The following NPAS1 variants were observed in gnomAD, a reference collection of about 807,000 sequenced individuals.
NPAS1 encodes the protein neuronal PAS domain protein 1.
NPAS1 carries 29 observed loss-of-function variants against 49.2 expected under a neutral mutation model. That is an observed-to-expected ratio of 0.59 (90% CI 0.44 to 0.80). The LOEUF (loss-of-function observed/expected upper bound fraction) is 0.80, where lower values mean the gene tolerates loss of function less well. Ranked by LOEUF, NPAS1 falls within the 30% of genes least tolerant of loss-of-function variation. NPAS1 has a pLI of 0.00. For synonymous variants in NPAS1, 408 were observed against 380.4 expected (o/e 1.07, Z -0.84); for missense variants, 825 against 835.5 (o/e 0.99, Z 0.15).
At chr19:47,029,396 T>TTTA (rs36098515) in intron 3 of NPAS1, among the ~76,000 whole-genome samples, 94,358 of 147,360 alleles carry the variant, frequency 0.64, 30,454 homozygotes, top group Non-Finnish European at 0.68. Context: ...AGTATTTTTA[T>TTTA]TTATTATTAT....
chr19:47,031,978 TAGTGC>T (rs1338421390), intron 3 of NPAS1, among the ~76,000 whole-genome samples: 1 of 152,166 alleles, frequency 6.6e-6, no homozygotes, highest in Non-Finnish European at 1.5e-5. Context: ...CAGCAATGCC[TAGTGC>T]AGGACATAGG....
In NPAS1 at chr19:47,039,051, A is replaced by T. The variant is rs778475426; in HGVS notation, c.704A>T (p.Lys235Met). Residue 235 changes from lysine (K) to methionine (M), a missense_variant, in exon 7 of 12, where the codon AAG becomes ATG. Transcript: ENST00000602212. Reference protein sequence around the residue: ...DTPEIEASLTKVPPSSLVQER... With the variant: ...DTPEIEASLTMVPPSSLVQER... ...TCTGTCCCAGAGGCCAGCCTCACCA[A>T]GGTGCCCCCCTCCTCCCTGGTCCAG... 1 of 1,614,110 alleles carries T rather than the reference A, an allele frequency of 6.2e-7. No individual in the cohort carries two copies. Among genetic ancestry groups the T allele is most frequent in the Non-Finnish European group, 8.5e-7 (1 of 1,179,986 alleles).
chr19:47,031,559 C>T (rs1177754686), intron 3 of NPAS1, among the ~76,000 whole-genome samples: 6 of 133,032 alleles, frequency 4.5e-5, no homozygotes, highest in Admixed American at 4.1e-4. Context: ...GAGATGGAGT[C>T]TCGCACTGTC....
At chr19:47,033,632 A>G (rs543966110) in intron 5 of NPAS1, among the ~76,000 whole-genome samples, 7 of 152,132 alleles carry the variant, frequency 4.6e-5, no homozygotes, top group African/African-American at 1.7e-4. Context: ...GATGCACCAT[A>G]TTTGCCAACA....
intron 3 of NPAS1, among the ~76,000 whole-genome samples, chr19:47,022,609 AG>A (rs2056848920): frequency 2.7e-5 from 1 of 36,772 alleles, no homozygotes; most frequent in Non-Finnish European, 5.4e-5. Flanking sequence ...GGCATGGAGG[AG>A]GGGGCGGGGG....
At chr19:47,038,164 C>T (rs925151271) in intron 6 of NPAS1, among the ~76,000 whole-genome samples, 44 of 152,136 alleles carry the variant, frequency 2.9e-4, no homozygotes, top group Admixed American at 2.8e-3. Context: ...CCTCTCAAGG[C>T]CTCAGGAAGC....
At chr19:47,033,975 TAAAAAAAAAA>T (rs532811476) in intron 5 of NPAS1, among the ~76,000 whole-genome samples, 2 of 100,844 alleles carry the variant, frequency 2.0e-5, no homozygotes, top group African/African-American at 3.9e-5. Flanking sequence ...GGCTATGCCT[TAAAAAAAAAA>T]AAAAAAAAAA....
chr19:47,029,235 C>T (rs972874891), intron 3 of NPAS1, among the ~76,000 whole-genome samples: 1 of 151,644 alleles, frequency 6.6e-6, no homozygotes, highest in Non-Finnish European at 1.5e-5. Context: ...GTGCACACCA[C>T]CACGCCCGGC....
chr19:47,036,204 G>A, intron 6 of NPAS1, 75 bp downstream of exon 6: 1 of 1,432,216 alleles, frequency 7.0e-7, no homozygotes, highest in Non-Finnish European at 9.6e-7. Context: ...ATCCAGCCAT[G>A]CCGCGTTTAT....
intron 3 of NPAS1, among the ~76,000 whole-genome samples, chr19:47,026,899 G>C (rs1414501080): frequency 1.3e-5 from 2 of 151,696 alleles, no homozygotes; most frequent in Admixed American, 1.3e-4. Context: ...GTTGCGGTGA[G>C]CTGAGATCCT....
chr19:47,021,268 C>G lies in NPAS1; in HGVS notation c.122+99C>G, dbSNP rs2056839244. 1 of 1,078,138 alleles carries G rather than the reference C, an allele frequency of 9.3e-7. No individual in the cohort carries two copies. The highest frequency in any genetic ancestry group is 1.3e-6 in the Non-Finnish European group (1 of 772,778). The allele number at this position is 1,078,138 out of a possible 1,614,324, so 66.8% of individuals were successfully genotyped here. The stretch of plus-strand genomic sequence containing the variant: ...GCCAAGGGGCAGTTCACACCCAGCT[C>G]CCTGACCCGCCCCTTAGGGCTAGAA... On this transcript the variant is annotated intron_variant, in intron 2 of 11. Transcript: ENST00000602212. This position sits in a 1 kb window ranked among gnomAD's most constrained non-coding sequence, Gnocchi z 5.7.
chr19:47,044,234 T>C (rs1032373554), intron 11 of NPAS1, among the ~76,000 whole-genome samples: 12 of 152,050 alleles, frequency 7.9e-5, no homozygotes, highest in Admixed American at 7.2e-4. Context: ...CCACCATGCC[T>C]GGCTAATTTA....
At position 47,036,201 on chromosome 19, in the gene NPAS1, C is replaced by A. The variant is rs918516030; in HGVS notation, c.688+72C>A. The A allele has an allele frequency of 1.6e-5, 23 of 1,443,672 alleles. No homozygotes were observed. In the Admixed American group the frequency reaches 4.4e-4, roughly 27 times the overall value. 89.4% of individuals were successfully genotyped at this position (1,443,672 alleles called of 1,614,324 possible). On this transcript the variant is annotated intron_variant, in intron 6 of 11. Coordinates refer to ENST00000602212, the MANE Select transcript of NPAS1 (RefSeq NM_002517.4). Reference sequence around the variant, plus strand: ...GGACGCCCGCTGTACTGTATCCAGCCATGCCGCGTTTATACAAATAGCAGT... The same window carrying A: ...GGACGCCCGCTGTACTGTATCCAGCAATGCCGCGTTTATACAAATAGCAGT...
At position 47,035,825 on chromosome 19, in the gene NPAS1, TTTTTC is replaced by T. The variant is rs2056947863; in HGVS notation, c.523-131_523-127del. 7 of 867,352 alleles carry T rather than the reference TTTTTC, an allele frequency of 8.1e-6. No individual in the cohort carries two copies. In the South Asian group the frequency reaches 8.2e-5, roughly 10 times the overall value. 53.7% of individuals were successfully genotyped at this position (867,352 alleles called of 1,614,324 possible). On this transcript the variant is annotated intron_variant, in intron 5 of 11. Coordinates refer to ENST00000602212, the MANE Select transcript of NPAS1 (RefSeq NM_002517.4). ...GTTTGAAAGGTAATTGTTTTTTGTT[TTTTTC>T]TTTTCTTAAAAAAACACACTGGCAT...
At position 47,021,875 on chromosome 19, in the gene NPAS1, C is replaced by G. The variant is rs1314015419; in HGVS notation, c.358+28C>G. 1 of 1,365,988 alleles carries G rather than the reference C, an allele frequency of 7.3e-7. No homozygotes were observed. The highest frequency in any genetic ancestry group is 1.5e-5 in the African/African-American group (1 of 65,060). The allele number at this position is 1,365,988 out of a possible 1,614,324, so 84.6% of individuals were successfully genotyped here. On this transcript the variant is annotated intron_variant, in intron 3 of 11. Transcript: ENST00000602212. This position sits in a 1 kb window ranked among gnomAD's most constrained non-coding sequence, Gnocchi z 5.7. Reference sequence around the variant, plus strand: ...GAGTGCTCATGCGCGGGGCGAGGGTCCCGGGGCCCTCCAGGCGGAGTCACT... The same window carrying G: ...GAGTGCTCATGCGCGGGGCGAGGGTGCCGGGGCCCTCCAGGCGGAGTCACT...
In NPAS1 at chr19:47,039,478, G is replaced by A. The variant is rs144600308; in HGVS notation, c.876G>A (p.Pro292=). The A allele has an allele frequency of 2.4e-5, 39 of 1,610,536 alleles. No homozygotes were observed. Among genetic ancestry groups the A allele is most frequent in the Admixed American group, 1.0e-4 (6 of 59,670 alleles). ...GLVALGHTLP[P]APLAELPLHG... ...TGGCCCTCGGGCACACGTTGCCCCCGGCCCCCCTGGCTGAGCTGCCACTCC... is the reference window on the plus strand; with the variant it reads ...TGGCCCTCGGGCACACGTTGCCCCCAGCCCCCCTGGCTGAGCTGCCACTCC... Residue 292 remains proline (P), a synonymous_variant, in exon 8 of 12, where the codon CCG becomes CCA. Transcript: ENST00000602212.
At position 47,019,838 on chromosome 19, in the gene NPAS1, C is replaced by A. The variant is rs2056827043; in HGVS notation, c.-202C>A. The stretch of plus-strand genomic sequence containing the variant: ...GTCGCGCGTCTCCAAGTCTGCGAGG[C>A]CGAGGTGGGCGCCGAGAGCTGGGCG... On this transcript the variant is annotated 5_prime_UTR_variant, in exon 1 of 12. Coordinates refer to ENST00000602212, the MANE Select transcript of NPAS1 (RefSeq NM_002517.4). 1 of 293,700 alleles carries A rather than the reference C, an allele frequency of 3.4e-6. No homozygotes were observed. The highest frequency in any genetic ancestry group is 6.3e-6 in the Non-Finnish European group (1 of 159,648). The allele number at this position is 293,700 out of a possible 1,614,324, so 18.2% of individuals were successfully genotyped here.
rs778665599 is a variant in NPAS1 at position 47,032,371 on chromosome 19, T to C, written c.432+20T>C. 2 of 1,612,654 alleles carry C rather than the reference T, an allele frequency of 1.2e-6. No individual in the cohort carries two copies. The highest frequency in any genetic ancestry group is 1.7e-6 in the Non-Finnish European group (2 of 1,179,102). ...TTGCAGGTGAGTGAGGCCCCTTCCC[T>C]GCCTGCCGCTCCTTGCTACCACCTA... On this transcript the variant is annotated intron_variant, in intron 4 of 11. Coordinates refer to ENST00000602212, the MANE Select transcript of NPAS1 (RefSeq NM_002517.4).
chr19:47,021,565 C>T lies in NPAS1; in HGVS notation c.123-47C>T, dbSNP rs1042934047. On this transcript the variant is annotated intron_variant, in intron 2 of 11. Transcript: ENST00000602212. The surrounding 1 kb of genome is among the most constrained non-coding windows in gnomAD (Gnocchi z 5.7). Reference sequence around the variant, plus strand: ...GGGCTCGCCCCCAGTTCCCAAGCCCCTGAGCCCCGGGGCCCCGCCGACACC... The same window carrying T: ...GGGCTCGCCCCCAGTTCCCAAGCCCTTGAGCCCCGGGGCCCCGCCGACACC... The T allele has an allele frequency of 1.8e-4, 242 of 1,339,730 alleles. No homozygotes were observed. Among genetic ancestry groups the T allele is most frequent in the Non-Finnish European group, 2.3e-4 (232 of 1,018,716 alleles). 83.0% of individuals were successfully genotyped at this position (1,339,730 alleles called of 1,614,324 possible). A position where few individuals can be genotyped will look rare whatever the true frequency, so the allele number is the denominator to read the frequency against.
Sources: gnomAD v4.1 joint callset for allele counts (sites outside exome capture counted in the v4.1 genomes callset) on GRCh38, gnomAD v4.1.1 for gene constraint, Gnocchi (gnomAD v3.1) non-coding constraint, MANE v1.5 for transcripts, NCBI Gene and HGNC (gene_info 2026-07-23, HGNC 2026-07-21) for gene names.